Variants in RUSF1 observed in about 807,000 individuals in gnomAD.
RUSF1 encodes RUS1 family protein C16orf58.
In RUSF1, 58 loss-of-function variants were observed where a neutral mutation model predicts 63.0. The observed-to-expected ratio is 0.92, with a 90% CI of 0.75 to 1.15. The LOEUF is 1.15. Among genes scored for constraint, RUSF1 ranks in the 50% most tolerant of loss-of-function variants. The pLI, the probability that RUSF1 is intolerant of heterozygous loss-of-function variation, is 0.00. For synonymous variants in RUSF1, 274 were observed against 255.8 expected (o/e 1.07, Z -0.68); for missense variants, 652 against 611.0 (o/e 1.07, Z -0.71).
intron 2 of RUSF1, among the ~76,000 whole-genome samples, chr16:31,501,802 A>C (rs2082634335): frequency 6.6e-6 from 1 of 152,172 alleles, no homozygotes; most frequent in South Asian, 2.1e-4. Context: ...AATCCAGCCA[A>C]AGAGCAGATA....
At chr16:31,506,104 A>G (rs1480296850) in intron 2 of RUSF1, among the ~76,000 whole-genome samples, 1 of 152,252 alleles carries the variant, frequency 6.6e-6, no homozygotes. Flanking sequence ...ATATACATTC[A>G]GAGTCAGGAA....
At position 31,502,094 on chromosome 16, in the gene RUSF1, C is replaced by T. The variant is rs56086721; in HGVS notation, c.416-1363G>A. On this transcript the variant is annotated intron_variant, in intron 2 of 12. Coordinates refer to ENST00000327237, the MANE Select transcript of RUSF1 (RefSeq NM_022744.4). Reference sequence around the variant, plus strand: ...TAAGCCTGGCAGAAATATTTTAGAACGAGACACCTGGGAGGGACTCATACA... The same window carrying T: ...TAAGCCTGGCAGAAATATTTTAGAATGAGACACCTGGGAGGGACTCATACA... Among the ~76,000 whole-genome samples the T allele has an allele frequency of 5.7e-3, 867 of 152,188 alleles. 1 individual carries two copies. The highest frequency in any genetic ancestry group is 0.01 in the Middle Eastern group (3 of 294).
chr16:31,499,113 C>T (rs920416368), intron 5 of RUSF1, 189 bp downstream of exon 5: 1 of 629,150 alleles, frequency 1.6e-6, no homozygotes, highest in Non-Finnish European at 2.8e-6. Context: ...TAGACATTGC[C>T]TTACACTTTC....
At chr16:31,492,408 C>T in intron 10 of RUSF1, 68 bp from the exon 11 acceptor site, 6 of 1,464,544 alleles carry the variant, frequency 4.1e-6, no homozygotes, top group East Asian at 4.7e-5. Flanking sequence ...TATCCCATCA[C>T]CCTGCTTCCC....
At chr16:31,499,432 G>A in intron 4 of RUSF1, 25 bp from the exon 5 acceptor site, 1 of 1,613,534 alleles carries the variant, frequency 6.2e-7, no homozygotes, top group South Asian at 1.1e-5. Context: ...GAGGTTAGAG[G>A]TCAGAGGTAG....
In RUSF1 at chr16:31,490,779, C is replaced by A. The variant is rs1258455320; in HGVS notation, c.*56G>T. The stretch of plus-strand genomic sequence containing the variant: ...CTGCCTTTCCCCTGTCCTGCTGTGG[C>A]CAAAGTGTCCTTGCTCCAGGTTCCT... On this transcript the variant is annotated 3_prime_UTR_variant, in exon 13 of 13. Transcript: ENST00000327237. 1 of 1,584,560 alleles carries A rather than the reference C, an allele frequency of 6.3e-7. No homozygotes were observed. The highest frequency in any genetic ancestry group is 8.7e-7 in the Non-Finnish European group (1 of 1,154,140).
In RUSF1 at chr16:31,499,218, C is replaced by T. The variant is rs968678984; in HGVS notation, c.600+84G>A. On this transcript the variant is annotated intron_variant, in intron 5 of 12. Transcript: ENST00000327237. ...AACTTTCTTATTCTTCTTGAAGTGG[C>T]AGGTAAACTCACAGAGCCCAGGTAA... The T allele has an allele frequency of 3.2e-5, 38 of 1,194,444 alleles. No individual in the cohort carries two copies. In the African/African-American group the frequency reaches 5.1e-4, roughly 16 times the overall value. The allele number at this position is 1,194,444 out of a possible 1,614,324, so 74.0% of individuals were successfully genotyped here. A position where few individuals can be genotyped will look rare whatever the true frequency, so the allele number is the denominator to read the frequency against.
At chr16:31,491,696 G>A (rs771432178) in intron 12 of RUSF1, among the ~76,000 whole-genome samples, 5 of 143,616 alleles carry the variant, frequency 3.5e-5, no homozygotes, top group African/African-American at 5.3e-5. Flanking sequence ...CTGTAGCCTC[G>A]ACCTCCCCCA....
intron 10 of RUSF1, 36 bp from the exon 11 acceptor site, chr16:31,492,376 G>A (rs1406586735): frequency 6.6e-7 from 1 of 1,512,392 alleles, no homozygotes; most frequent in Non-Finnish European, 8.8e-7. Flanking sequence ...TATCAGGGAA[G>A]GGCCACCTCC....
intron 7 of RUSF1, 26 bp from the exon 8 acceptor site, chr16:31,493,813 A>C (rs758102663): frequency 1.9e-6 from 3 of 1,614,074 alleles, no homozygotes; most frequent in Non-Finnish European, 2.5e-6. Flanking sequence ...GAGGTAGCTG[A>C]AGTGGGCAGA....
In RUSF1 at chr16:31,489,924, T is replaced by A. The variant is rs2082545895; in HGVS notation, c.*911A>T. ...AACACAAGCTCAGGGGCTTGGGGTT[T>A]ATCCCGAGGGCACAGGGCAGCCATG... On this transcript the variant is annotated 3_prime_UTR_variant, in exon 13 of 13. Transcript: ENST00000327237. 1.3e-6 allele frequency: 1 copy of A among 775,818 alleles called. No individual in the cohort carries two copies. 48.1% of individuals were successfully genotyped at this position (775,818 alleles called of 1,614,324 possible).
At position 31,492,905 on chromosome 16, in the gene RUSF1, G is replaced by A. The variant is rs567134927; in HGVS notation, c.1087+73C>T. The A allele has an allele frequency of 4.8e-6, 7 of 1,471,760 alleles. No homozygotes were observed. The East Asian group carries it at 1.6e-4, about 34-fold the overall frequency. 91.2% of individuals were successfully genotyped at this position (1,471,760 alleles called of 1,614,324 possible). A position where few individuals can be genotyped will look rare whatever the true frequency, so the allele number is the denominator to read the frequency against. On this transcript the variant is annotated intron_variant, in intron 10 of 12. Transcript: ENST00000327237. ...AGCCTCCAAACTGCCCAGAGCTCGGGGCCCTAGGTTGGAGGAATGAGAGGC... is the reference window on the plus strand; with the variant it reads ...AGCCTCCAAACTGCCCAGAGCTCGGAGCCCTAGGTTGGAGGAATGAGAGGC...
At position 31,508,150 on chromosome 16, in the gene RUSF1, G is replaced by T; in HGVS notation, c.224C>A (p.Ala75Asp). Reference sequence around the variant, plus strand: ...AGGGAAGCCCTGAGGCAGGAACACGGCCTGGAGCCCGGAGAGGGGCGGTGA... The same window carrying T: ...AGGGAAGCCCTGAGGCAGGAACACGTCCTGGAGCCCGGAGAGGGGCGGTGA... ...APSPPLSGLQ[A>D]VFLPQGFPDS... Residue 75 changes from alanine to aspartate, a missense_variant, in exon 1 of 13, where the codon GCC (alanine) becomes GAC (aspartate). Physicochemically the swap from Ala to Asp is moderately radical, Grantham distance 126 (BLOSUM62 -2). Coordinates refer to ENST00000327237, the MANE Select transcript of RUSF1 (RefSeq NM_022744.4). 6.3e-7 allele frequency: 1 copy of T among 1,592,062 alleles called. No individual in the cohort carries two copies. The highest frequency in any genetic ancestry group is 1.1e-5 in the South Asian group (1 of 87,862).
intron 9 of RUSF1, 66 bp from the exon 10 acceptor site, chr16:31,493,114 C>T (rs1304776294): frequency 6.7e-7 from 1 of 1,493,282 alleles, no homozygotes; most frequent in Non-Finnish European, 9.3e-7. Context: ...CAACCAGCCA[C>T]TGAACAGCCA....
At chr16:31,502,272 C>T (rs1358236624) in intron 2 of RUSF1, among the ~76,000 whole-genome samples, 2 of 152,136 alleles carry the variant, frequency 1.3e-5, no homozygotes, top group South Asian at 2.1e-4. Context: ...TGCAATGACA[C>T]GGGCCAGCCC....
chr16:31,491,966 C>T (rs1480135313), intron 12 of RUSF1, 43 bp downstream of exon 12: 3 of 1,608,658 alleles, frequency 1.9e-6, no homozygotes, highest in Non-Finnish European at 2.6e-6. Context: ...CCCCCAGGGA[C>T]AAGGCTTCAG....
In RUSF1 at chr16:31,490,897, G is replaced by A; in HGVS notation, c.1345C>T (p.Gln449Ter). ...QDAGWKTEKH[Q>*]LEVDEWRATW... ...GCCCTCCACTCATCCACCTCTAGCT[G>A]GTGCTTCTCGGTCTTCCAGCCGGCA... The change falls in exon 13 of 13, where the codon CAG (glutamine) becomes TAG (stop). Residue 449 changes from glutamine to a stop codon, truncating the protein, a stop_gained. Coordinates refer to ENST00000327237, the MANE Select transcript of RUSF1 (RefSeq NM_022744.4). LOFTEE classifies it high-confidence loss of function. The A allele has an allele frequency of 6.2e-7, 1 of 1,614,122 alleles. No homozygotes were observed. The highest frequency in any genetic ancestry group is 8.5e-7 in the Non-Finnish European group (1 of 1,180,034).
intron 9 of RUSF1, 50 bp downstream of exon 9, chr16:31,493,417 G>A (rs1162943398): frequency 6.5e-7 from 1 of 1,550,274 alleles, no homozygotes; most frequent in Admixed American, 1.9e-5. Context: ...ATCGGAGTGA[G>A]GGGAGTGTGG....
rs368694327 is a variant in RUSF1, at chr16:31,492,312, C to T, written c.1116G>A (p.Lys372=). 17 of 1,594,864 alleles carry T rather than the reference C, an allele frequency of 1.1e-5. No individual in the cohort carries two copies. Among genetic ancestry groups the T allele is most frequent in the South Asian group, 2.3e-5 (2 of 88,530 alleles). The change falls in exon 11 of 13, where the codon AAG becomes AAA. Residue 372 remains lysine, a synonymous_variant. Transcript: ENST00000327237. ...CCCTTAGGATGGTCTTGGGGCCTGC[C>T]TTCTGGTTCAGAACTACCTGTACCT... ...QNQVQVVLNQ[K]AGPKTILRAA... is the part of the protein sequence containing the mutation.
Sources: gnomAD v4.1 joint callset for allele counts (sites outside exome capture counted in the v4.1 genomes callset) on GRCh38, gnomAD v4.1.1 for gene constraint, MANE v1.5 for transcripts, NCBI Gene and HGNC (gene_info 2026-07-23, HGNC 2026-07-21) for gene names.